The following CNTN4 variants were observed in gnomAD, a reference collection of about 807,000 sequenced individuals.
CNTN4 encodes the protein contactin 4.
A neutral mutation model predicts 122.5 loss-of-function variants in CNTN4; 77 were observed. The ratio of observed to expected loss-of-function variants is 0.63; its 90% CI spans 0.52 to 0.76. The LOEUF is 0.76. CNTN4 is among the 30% of genes least tolerant of loss of function. The pLI, the probability that CNTN4 is intolerant of heterozygous loss-of-function variation, is 0.00. For missense variants in CNTN4, 1,256 were observed against 1,259.1 expected (o/e 1.00, Z 0.04); for synonymous variants, 512 against 447.0 (o/e 1.15, Z -1.83).
intron 4 of CNTN4, among the ~76,000 whole-genome samples, chr3:2,685,952 T>C (rs2085410475): frequency 6.6e-6 from 1 of 152,204 alleles, no homozygotes; most frequent in African/African-American, 2.4e-5. Context: ...GATTTTTGTT[T>C]GGAGAAAATG....
At chr3:2,376,577 A>G (rs1215802005) in intron 3 of CNTN4, among the ~76,000 whole-genome samples, 1 of 151,644 alleles carries the variant, frequency 6.6e-6, no homozygotes, top group Non-Finnish European at 1.5e-5. Flanking sequence ...CACAGTCCAC[A>G]GTTGCAGTTG....
intron 3 of CNTN4, among the ~76,000 whole-genome samples, chr3:2,481,511 A>C (rs1027955936): frequency 2.6e-5 from 4 of 152,174 alleles, no homozygotes; most frequent in African/African-American, 7.2e-5. Flanking sequence ...CAAATCAAAA[A>C]AAGAATCTAG....
intron 2 of CNTN4, among the ~76,000 whole-genome samples, chr3:2,332,941 C>A (rs886809362): frequency 2.0e-5 from 3 of 152,278 alleles, no homozygotes; most frequent in South Asian, 2.1e-4. Context: ...GTCAAAGGCT[C>A]ATGACTGTTT....
chr3:2,139,264 C>T (rs1035536050), intron 2 of CNTN4, among the ~76,000 whole-genome samples: 10 of 152,070 alleles, frequency 6.6e-5, no homozygotes, highest in African/African-American at 2.4e-4. Context: ...TAGGTTGAAA[C>T]AAATGAATAA....
chr3:2,432,781 G>A (rs1238442284), intron 3 of CNTN4, among the ~76,000 whole-genome samples: 2 of 150,558 alleles, frequency 1.3e-5, no homozygotes, highest in Admixed American at 6.7e-5. Flanking sequence ...TGCAGTGAAC[G>A]TGGTAGTGCA....
At chr3:2,557,709 A>G (rs1305469102) in intron 3 of CNTN4, among the ~76,000 whole-genome samples, 4 of 150,626 alleles carry the variant, frequency 2.7e-5, no homozygotes. Context: ...AGCCTGGGCA[A>G]CACTGCACTC....
intron 3 of CNTN4, among the ~76,000 whole-genome samples, chr3:2,537,092 G>A (rs2077839786): frequency 6.6e-6 from 1 of 152,072 alleles, no homozygotes; most frequent in Non-Finnish European, 1.5e-5. Context: ...AAAAGATGCA[G>A]TAGATTTCTA....
At chr3:2,451,004 C>T (rs1190221353) in intron 3 of CNTN4, among the ~76,000 whole-genome samples, 1 of 152,054 alleles carries the variant, frequency 6.6e-6, no homozygotes, top group African/African-American at 2.4e-5. Flanking sequence ...GAAGGGGGGC[C>T]AAGAGTGGTA....
At chr3:2,536,944 T>G (rs1247417030) in intron 3 of CNTN4, among the ~76,000 whole-genome samples, 1 of 152,104 alleles carries the variant, frequency 6.6e-6, no homozygotes, top group African/African-American at 2.4e-5. Flanking sequence ...TAAAATTTTC[T>G]TTCCTCAGCT....
chr3:2,300,560 CTTTTTTTTT>C (rs575192976), intron 2 of CNTN4, among the ~76,000 whole-genome samples: 1 of 61,998 alleles, frequency 1.6e-5, no homozygotes, highest in Non-Finnish European at 3.3e-5. Flanking sequence ...CAGTGACCGT[CTTTTTTTTT>C]TTTTTTTTTT....
At chr3:2,438,675 G>A (rs936874801) in intron 3 of CNTN4, among the ~76,000 whole-genome samples, 1 of 152,194 alleles carries the variant, frequency 6.6e-6, no homozygotes, top group African/African-American at 2.4e-5. Context: ...TCATGACTCA[G>A]TACAGTTAAT....
chr3:2,612,994 A>G (rs2081564981), intron 4 of CNTN4, among the ~76,000 whole-genome samples: 1 of 152,170 alleles, frequency 6.6e-6, no homozygotes, highest in African/African-American at 2.4e-5. Context: ...GCATGTGAGC[A>G]TTACGTTTAA....
At chr3:2,648,028 T>C (rs2083204700) in intron 4 of CNTN4, among the ~76,000 whole-genome samples, 1 of 152,214 alleles carries the variant, frequency 6.6e-6, no homozygotes, top group Non-Finnish European at 1.5e-5. Context: ...CATTTTAAAA[T>C]ACAAATCCTT....
intron 3 of CNTN4, among the ~76,000 whole-genome samples, chr3:2,536,051 G>A (rs113690672): frequency 2.0e-5 from 3 of 152,050 alleles, no homozygotes; most frequent in Non-Finnish European, 2.9e-5. Flanking sequence ...AGTAGTAGAC[G>A]GAAGATCTGA....
chr3:2,172,278 A>T (rs982185492), intron 2 of CNTN4, among the ~76,000 whole-genome samples: 1 of 152,222 alleles, frequency 6.6e-6, no homozygotes, highest in Non-Finnish European at 1.5e-5. Context: ...GGAGGCCATT[A>T]TTCTAAATGA....
rs1321264784 is a variant in CNTN4 at position 2,526,524 on chromosome 3, A to G, written c.-88-44892A>G. Among the ~76,000 whole-genome samples, 6 of 152,300 alleles carry G rather than the reference A, an allele frequency of 3.9e-5. No homozygotes were observed. The East Asian group carries it at 1.2e-3, about 29-fold the overall frequency. On this transcript the variant is annotated intron_variant, in intron 3 of 24. Coordinates refer to ENST00000418658, the MANE Select transcript of CNTN4 (RefSeq NM_175607.3). Reference sequence around the variant, plus strand: ...AAAAGCAAAAAATGTGAAAACTTACATAGTAACTAGGATAAAATAATCCAA... The same window carrying G: ...AAAAGCAAAAAATGTGAAAACTTACGTAGTAACTAGGATAAAATAATCCAA...
Position 3,042,394 on chromosome 3 carries a change from A to T in CNTN4, c.2483A>T (p.Lys828Met). 1 of 1,613,340 alleles carries T rather than the reference A, an allele frequency of 6.2e-7. No individual in the cohort carries two copies. The highest frequency in any genetic ancestry group is 8.5e-7 in the Non-Finnish European group (1 of 1,179,266). ...IEVFWASPLE[K>M]NRGRIQGYEV... ...GTTTTCTGGGCCTCCCCACTGGAGA[A>T]GAATAGAGGACGAATACAAGGTTAT... Residue 828 changes from lysine to methionine, a missense_variant, in exon 21 of 25, where the codon AAG (lysine) becomes ATG (methionine). Coordinates refer to ENST00000418658, the MANE Select transcript of CNTN4 (RefSeq NM_175607.3).
chr3:2,923,885 C>T (rs765384594), intron 12 of CNTN4, among the ~76,000 whole-genome samples: 3 of 152,000 alleles, frequency 2.0e-5, no homozygotes, highest in South Asian at 2.1e-4. Context: ...TTTTCATAAA[C>T]CCTACAATTT....
rs763471406 is a variant in CNTN4 at position 3,037,281 on chromosome 3, T to A, written c.2045T>A (p.Ile682Asn). ...ACAGTTGCAGCCAACGTGATTGGGA[T>A]TGGGGAGCCCAGCCGCCCCTCAGAG... ...FRTVAANVIG[I>N]GEPSRPSEKR... The change falls in exon 18 of 25, where the codon ATT (isoleucine) becomes AAT (asparagine). Residue 682 changes from isoleucine (I) to asparagine (N), a missense_variant. Physicochemically the swap from Ile to Asn is moderately radical, Grantham distance 149. Transcript: ENST00000418658. 3 of 1,614,192 alleles carry A rather than the reference T, an allele frequency of 1.9e-6. No individual in the cohort carries two copies. The highest frequency in any genetic ancestry group is 1.3e-5 in the African/African-American group (1 of 75,048).
Sources: gnomAD v4.1 joint callset for allele counts (sites outside exome capture counted in the v4.1 genomes callset) on GRCh38, gnomAD v4.1.1 for gene constraint, MANE v1.5 for transcripts, NCBI Gene and HGNC (gene_info 2026-07-23, HGNC 2026-07-21) for gene names.